The following ZBTB20 variants were observed in gnomAD, a reference collection of about 807,000 sequenced individuals.
ZBTB20 encodes the protein zinc finger and BTB domain-containing protein 20.
Under a neutral mutation model 56.9 loss-of-function variants are expected in ZBTB20, and 9 were observed. The ratio of observed to expected loss-of-function variants is 0.16; its 90% CI spans 0.10 to 0.28. The LOEUF (loss-of-function observed/expected upper bound fraction) is 0.28, where lower values mean the gene tolerates loss of function less well. Ranked by LOEUF, ZBTB20 falls within the 10% of genes least tolerant of loss-of-function variation. The pLI, the probability that ZBTB20 is intolerant of heterozygous loss-of-function variation, is 1.00. For synonymous variants in ZBTB20, 417 were observed against 420.7 expected (o/e 0.99, Z 0.11); for missense variants, 655 against 1,003.0 (o/e 0.65, Z 4.69).
chr3:115,037,153 T>C (rs540483056), intron 2 of ZBTB20, among the ~76,000 whole-genome samples: 1 of 152,282 alleles, frequency 6.6e-6, no homozygotes, highest in South Asian at 2.1e-4. Flanking sequence ...ATCGTTTTGC[T>C]TAACAATCTG....
intron 6 of ZBTB20, among the ~76,000 whole-genome samples, chr3:114,524,311 TA>T (rs1349729084): frequency 1.3e-5 from 2 of 152,154 alleles, no homozygotes; most frequent in East Asian, 1.9e-4. Context: ...TATTAGTAAT[TA>T]AAACATCAGA....
chr3:115,086,849 C>T (rs943657130), intron 1 of ZBTB20, among the ~76,000 whole-genome samples: 6 of 151,810 alleles, frequency 4.0e-5, no homozygotes, highest in African/African-American at 1.4e-4. Flanking sequence ...GAGTAAAACT[C>T]ACACTCTAGT....
At chr3:114,920,884 A>C (rs2107754937) in intron 3 of ZBTB20, among the ~76,000 whole-genome samples, 1 of 152,280 alleles carries the variant, frequency 6.6e-6, no homozygotes, top group East Asian at 1.9e-4. Context: ...CGAATTTAAA[A>C]TTTTGTAATG....
chr3:114,588,484 CTT>C (rs1333392658), intron 6 of ZBTB20, among the ~76,000 whole-genome samples: 7 of 152,136 alleles, frequency 4.6e-5, no homozygotes, highest in African/African-American at 1.4e-4. Context: ...TCCCTGGTCT[CTT>C]TTAGTGTATG....
intron 7 of ZBTB20, among the ~76,000 whole-genome samples, chr3:114,493,847 G>A (rs1258823586): frequency 6.6e-6 from 1 of 152,280 alleles, no homozygotes; most frequent in East Asian, 1.9e-4. Context: ...ACATTCCCCA[G>A]ATTATAAGCT....
intron 2 of ZBTB20, among the ~76,000 whole-genome samples, chr3:114,974,874 G>A (rs1456726899): frequency 1.3e-5 from 2 of 152,102 alleles, no homozygotes; most frequent in African/African-American, 2.4e-5. Flanking sequence ...TCTCAAAATA[G>A]TAGGTAAGGT....
chr3:115,102,322 C>T (rs1002328078), intron 1 of ZBTB20, among the ~76,000 whole-genome samples: 1 of 152,018 alleles, frequency 6.6e-6, no homozygotes, highest in African/African-American at 2.4e-5. Flanking sequence ...TTAGTGTGCC[C>T]AAGGTACCAG....
At chr3:114,371,481 T>A (rs1576423509) in intron 10 of ZBTB20, among the ~76,000 whole-genome samples, 1 of 152,190 alleles carries the variant, frequency 6.6e-6, no homozygotes, top group Non-Finnish European at 1.5e-5. Flanking sequence ...CCACGCTGCA[T>A]GGAAGTTGTT....
intron 3 of ZBTB20, among the ~76,000 whole-genome samples, chr3:114,925,176 GT>G (rs1432081119): frequency 1.3e-5 from 2 of 151,582 alleles, no homozygotes; most frequent in Non-Finnish European, 2.9e-5. Context: ...TAGAGATGGG[GT>G]TTCACCACGT....
chr3:114,488,283 A>G (rs2042360701), intron 7 of ZBTB20, among the ~76,000 whole-genome samples: 1 of 152,364 alleles, frequency 6.6e-6, no homozygotes, highest in East Asian at 1.9e-4. Flanking sequence ...GCAGTAAAGA[A>G]TGAGACTAAG....
chr3:114,568,089 C>T (rs1419034970), intron 6 of ZBTB20, among the ~76,000 whole-genome samples: 1 of 152,180 alleles, frequency 6.6e-6, no homozygotes, highest in Non-Finnish European at 1.5e-5. Flanking sequence ...TCATTACACC[C>T]CAGAGAGACG....
chr3:114,850,019 C>T (rs2074920862), intron 4 of ZBTB20, among the ~76,000 whole-genome samples: 1 of 151,224 alleles, frequency 6.6e-6, no homozygotes, highest in African/African-American at 2.4e-5. Flanking sequence ...CCTGCCTCAG[C>T]CTCCTGAGTA....
In ZBTB20 at chr3:114,451,930, C is replaced by T. The variant is rs975048031; in HGVS notation, c.-255+48422G>A. Reference sequence around the variant, plus strand: ...CTATCACCTGTCACTGTACTCTTGGCGGCACAACTAGCTGATAGGAGCTGC... The same window carrying T: ...CTATCACCTGTCACTGTACTCTTGGTGGCACAACTAGCTGATAGGAGCTGC... On this transcript the variant is annotated intron_variant, in intron 7 of 11. Transcript: ENST00000675478. 5.3e-5 allele frequency among the ~76,000 whole-genome samples: 8 copies of T among 152,010 alleles called. No homozygotes were observed. The East Asian group carries it at 5.8e-4, about 11-fold the overall frequency.
At chr3:114,691,083 A>G (rs2062673029) in intron 6 of ZBTB20, among the ~76,000 whole-genome samples, 1 of 152,190 alleles carries the variant, frequency 6.6e-6, no homozygotes, top group South Asian at 2.1e-4. Flanking sequence ...TCTCTAGGCA[A>G]CCAAATTGCC....
chr3:114,890,266 G>A (rs2076756803), intron 4 of ZBTB20, among the ~76,000 whole-genome samples: 2 of 152,128 alleles, frequency 1.3e-5, no homozygotes, highest in African/African-American at 4.8e-5. Context: ...AAAAATTATT[G>A]TTCTTAAATA....
intron 6 of ZBTB20, among the ~76,000 whole-genome samples, chr3:114,598,882 T>C (rs980540161): frequency 9.9e-5 from 15 of 152,174 alleles, no homozygotes; most frequent in African/African-American, 3.6e-4. Context: ...ATAACCACTG[T>C]CGAATTTTTG....
intron 6 of ZBTB20, among the ~76,000 whole-genome samples, chr3:114,511,758 T>C (rs1305370649): frequency 2.0e-5 from 3 of 152,050 alleles, no homozygotes; most frequent in Non-Finnish European, 4.4e-5. Context: ...AAAAACACAT[T>C]TGCTACTGCT....
At chr3:114,770,608 T>G (rs370614290) in intron 5 of ZBTB20, among the ~76,000 whole-genome samples, 1 of 152,218 alleles carries the variant, frequency 6.6e-6, no homozygotes, top group Admixed American at 6.5e-5. Context: ...GGTTGTCAAC[T>G]GAGTAGAAAA....
intron 6 of ZBTB20, among the ~76,000 whole-genome samples, chr3:114,524,732 A>G (rs1013467631): frequency 4.6e-5 from 7 of 151,818 alleles, no homozygotes; most frequent in African/African-American, 1.7e-4. Flanking sequence ...TTTTTTTCTG[A>G]GATGGAGTCT....
Sources: allele counts gnomAD v4.1 joint callset (sites outside exome capture counted in the v4.1 genomes callset), GRCh38; gene constraint gnomAD v4.1.1; transcripts MANE v1.5; gene names NCBI Gene and HGNC (gene_info 2026-07-23, HGNC 2026-07-21).